ANO6: variants seen among roughly 807,000 people sequenced by gnomAD.
ANO6 encodes the protein anoctamin-6.
A neutral mutation model predicts 117.5 loss-of-function variants in ANO6; 106 were observed. The observed-to-expected ratio is 0.90, with a 90% CI of 0.77 to 1.06. The LOEUF (loss-of-function observed/expected upper bound fraction) is 1.06, where lower values mean the gene tolerates loss of function less well. Among genes scored for constraint, ANO6 ranks in the 50% least tolerant of loss-of-function variants. The pLI is 0.00. For missense variants in ANO6, 955 were observed against 1,121.1 expected (o/e 0.85, Z 2.12); for synonymous variants, 367 against 385.1 (o/e 0.95, Z 0.55).
At chr12:45,373,978 A>C (rs1941926453) in intron 9 of ANO6, among the ~76,000 whole-genome samples, 2 of 152,128 alleles carry the variant, frequency 1.3e-5, no homozygotes, top group Non-Finnish European at 2.9e-5. Context: ...ACTAATAAAG[A>C]GAGAAGAATC....
chr12:45,348,375 G>A (rs1490472741), intron 5 of ANO6, 60 bp downstream of exon 5: 5 of 1,605,918 alleles, frequency 3.1e-6, no homozygotes, highest in Non-Finnish European at 4.3e-6. Context: ...CTGTTTTGTG[G>A]TTTGGTTGGT....
At chr12:45,362,827 CCTT>C (rs1941589227) in intron 8 of ANO6, among the ~76,000 whole-genome samples, 1 of 152,108 alleles carries the variant, frequency 6.6e-6, no homozygotes, top group African/African-American at 2.4e-5. Flanking sequence ...CTTCTCTACT[CCTT>C]TGTGGTATTA....
At chr12:45,401,202 G>C (rs1200207996) in intron 12 of ANO6, among the ~76,000 whole-genome samples, 1 of 152,334 alleles carries the variant, frequency 6.6e-6, no homozygotes, top group East Asian at 1.9e-4. Flanking sequence ...CTCTGTGCCA[G>C]CTTCACTGGC....
rs184694698 is a variant in ANO6, at chr12:45,356,294, A to T, written c.864-996A>T. Among the ~76,000 whole-genome samples the T allele has an allele frequency of 2.0e-5, 3 of 152,196 alleles. No homozygotes were observed. The East Asian group carries it at 5.8e-4, about 29-fold the overall frequency. ...TTCATTCTCACATGAGTTTTGCAAA[A>T]ATTTTGGTCAGAGAGACATTCCACT... On this transcript the variant is annotated intron_variant, in intron 7 of 19. Transcript: ENST00000320560.
chr12:45,352,782 C>A (rs1027315291), intron 7 of ANO6, among the ~76,000 whole-genome samples: 1 of 151,858 alleles, frequency 6.6e-6, no homozygotes, highest in African/African-American at 2.4e-5. Flanking sequence ...TCAGATTTCC[C>A]TTATTGTCCC....
Position 45,401,876 on chromosome 12 carries a change from A to G in ANO6, c.1468A>G (p.Lys490Glu), listed in dbSNP as rs1485233076. ...CATTGTATTTTCTGCAAAACTTCCCAAGAACATTAATGGAACAGACCCAAT... is the reference window on the plus strand; with the variant it reads ...CATTGTATTTTCTGCAAAACTTCCCGAGAACATTAATGGAACAGACCCAAT... ...VFIVFSAKLP[K>E]NINGTDPIQK... is the part of the protein sequence containing the mutation. The change falls in exon 13 of 20, where the codon AAG (lysine) becomes GAG (glutamate). Residue 490 changes from lysine to glutamate, a missense_variant. By Grantham distance (56) the Lys-to-Glu change is moderately conservative (BLOSUM62 1). Coordinates refer to ENST00000320560, the MANE Select transcript of ANO6 (RefSeq NM_001025356.3). The G allele has an allele frequency of 2.5e-6, 4 of 1,613,918 alleles. No individual in the cohort carries two copies. Among genetic ancestry groups the G allele is most frequent in the East Asian group, 2.2e-5 (1 of 44,866 alleles).
intron 1 of ANO6, among the ~76,000 whole-genome samples, chr12:45,292,313 A>C (rs932530838): frequency 6.6e-6 from 1 of 152,178 alleles, no homozygotes; most frequent in Non-Finnish European, 1.5e-5. Context: ...ACTGGGGAAA[A>C]GGGGAAGGGG....
chr12:45,216,877 G>A (rs1320302574), intron 1 of ANO6, among the ~76,000 whole-genome samples: 1 of 152,186 alleles, frequency 6.6e-6, no homozygotes, highest in African/African-American at 2.4e-5. Context: ...GAGGTTTGAG[G>A]CCTGGCGGGG....
intron 8 of ANO6, among the ~76,000 whole-genome samples, chr12:45,364,214 A>G (rs1052435653): frequency 1.3e-5 from 2 of 152,180 alleles, no homozygotes; most frequent in African/African-American, 2.4e-5. Flanking sequence ...TCTTCCTGCT[A>G]TCATCATTCT....
intron 7 of ANO6, among the ~76,000 whole-genome samples, chr12:45,354,852 A>G (rs191233892): frequency 6.6e-6 from 1 of 152,368 alleles, no homozygotes; most frequent in East Asian, 1.9e-4. Flanking sequence ...ACCAAAAACT[A>G]TAATGTAACT....
At position 45,439,752 on chromosome 12, in the gene ANO6, C is replaced by T; in HGVS notation, c.2604C>T (p.Cys868=). The change falls in exon 20 of 20, where the codon TGC becomes TGT. Residue 868 remains cysteine (C), a synonymous_variant. Coordinates refer to the ANO6 transcript ENST00000425752. ...GCAACCTCCGCCTCCCAGTTGACTG[C>T]TGTATGTGTTATAGGTTTGTCGATG... 4 of 1,548,328 alleles carry T rather than the reference C, an allele frequency of 2.6e-6. 1 individual carries two copies. Among genetic ancestry groups the T allele is most frequent in the Middle Eastern group, 1.7e-4 (1 of 5,972 alleles).
At chr12:45,339,188 T>C (rs778017357) in intron 3 of ANO6, among the ~76,000 whole-genome samples, 1 of 152,022 alleles carries the variant, frequency 6.6e-6, no homozygotes, top group Non-Finnish European at 1.5e-5. Flanking sequence ...TCCTAGAAAA[T>C]AGGATTTACT....
At chr12:45,386,188 C>A (rs1045410804) in intron 10 of ANO6, among the ~76,000 whole-genome samples, 1 of 152,202 alleles carries the variant, frequency 6.6e-6, no homozygotes, top group Admixed American at 6.5e-5. Flanking sequence ...GTCCTTCTTA[C>A]CTGCAGCCAG....
At chr12:45,238,035 G>A (rs986815301) in intron 1 of ANO6, among the ~76,000 whole-genome samples, 2 of 152,000 alleles carry the variant, frequency 1.3e-5, no homozygotes, top group Non-Finnish European at 2.9e-5. Flanking sequence ...TGATATTGGT[G>A]TATAGGAATG....
At chr12:45,329,743 CT>C (rs1940598401) in intron 2 of ANO6, among the ~76,000 whole-genome samples, 1 of 152,050 alleles carries the variant, frequency 6.6e-6, no homozygotes, top group African/African-American at 2.4e-5. Flanking sequence ...CCCCTTTGTT[CT>C]TCTGAGAAAT....
chr12:45,355,143 T>C (rs1941378004), intron 7 of ANO6, among the ~76,000 whole-genome samples: 2 of 152,180 alleles, frequency 1.3e-5, no homozygotes, highest in African/African-American at 4.8e-5. Context: ...ATTAGACTAA[T>C]GACTGTATAC....
chr12:45,225,590 G>A lies in ANO6; in HGVS notation c.70+9199G>A, dbSNP rs145054204. On this transcript the variant is annotated intron_variant, in intron 1 of 19. Coordinates refer to ENST00000320560, the MANE Select transcript of ANO6 (RefSeq NM_001025356.3). ...TGCAAGCTCCACCTCCCAGGTTCACGCCATTCTCCTGCATCAGCCTCCCGA... is the reference window on the plus strand; with the variant it reads ...TGCAAGCTCCACCTCCCAGGTTCACACCATTCTCCTGCATCAGCCTCCCGA... 9.7e-3 allele frequency among the ~76,000 whole-genome samples: 1,466 copies of A among 151,906 alleles called. 25 individuals are homozygous for A. Among genetic ancestry groups the A allele is most frequent in the African/African-American group, 0.033 (1,381 of 41,402 alleles).
chr12:45,286,469 A>G (rs1938918944), intron 1 of ANO6, among the ~76,000 whole-genome samples: 1 of 152,232 alleles, frequency 6.6e-6, no homozygotes, highest in African/African-American at 2.4e-5. Context: ...TATGATTTAG[A>G]AATACAACAG....
intron 1 of ANO6, among the ~76,000 whole-genome samples, chr12:45,298,327 A>G (rs1267164941): frequency 6.6e-6 from 1 of 152,246 alleles, no homozygotes; most frequent in African/African-American, 2.4e-5. Context: ...TGATTTATAT[A>G]AGGAAAGAAA....
Sources: allele counts gnomAD v4.1 joint callset (sites outside exome capture counted in the v4.1 genomes callset), GRCh38; gene constraint gnomAD v4.1.1; transcripts MANE v1.5; gene names NCBI Gene and HGNC (gene_info 2026-07-23, HGNC 2026-07-21).